The following ITPR1 variants were observed in gnomAD, a reference collection of about 807,000 sequenced individuals.
ITPR1 encodes the protein inositol 1,4,5-trisphosphate receptor type 1, also known as inositol 1,4,5-trisphosphate-gated calcium channel ITPR1.
Under a neutral mutation model 318.4 loss-of-function variants are expected in ITPR1, and 96 were observed. The observed-to-expected ratio is 0.30, with a 90% confidence interval of 0.26 to 0.36. ITPR1 has a LOEUF of 0.36. Ranked by LOEUF, ITPR1 falls within the 10% of genes least tolerant of loss-of-function variation. The pLI is 1.00. For synonymous variants in ITPR1, 1,312 were observed against 1,289.9 expected (o/e 1.02, Z -0.37); for missense variants, 2,440 against 3,460.2 (o/e 0.71, Z 7.40).
At chr3:4,737,898 G>A (rs892127450) in intron 44 of ITPR1, among the ~76,000 whole-genome samples, 8 of 152,278 alleles carry the variant, frequency 5.3e-5, no homozygotes, top group South Asian at 4.1e-4. Context: ...CTCCGTGATC[G>A]TATCCTTTGC....
intron 4 of ITPR1, among the ~76,000 whole-genome samples, chr3:4,582,779 A>G (rs1017182980): frequency 6.6e-6 from 1 of 152,300 alleles, no homozygotes; most frequent in East Asian, 1.9e-4. Flanking sequence ...TAAATGACTC[A>G]AGGGAAGTGA....
intron 35 of ITPR1, among the ~76,000 whole-genome samples, chr3:4,702,008 C>A (rs1467851438): frequency 6.6e-6 from 1 of 152,100 alleles, no homozygotes; most frequent in African/African-American, 2.4e-5. Flanking sequence ...TGCAAGTTGT[C>A]CCCTCTGAAA....
chr3:4,833,113 A>G (rs144558362), intron 60 of ITPR1, among the ~76,000 whole-genome samples: 1 of 152,322 alleles, frequency 6.6e-6, no homozygotes, highest in East Asian at 1.9e-4. Flanking sequence ...GGACACAGAT[A>G]TTGTAAAAGT....
chr3:4,524,697 A>G lies in ITPR1; in HGVS notation c.163+3603A>G, dbSNP rs953356416. ...TGGAAATCCAAGGCCTGTTTATGCA[A>G]TATTCCCCATGGCTTCTGACTTTGC... is the stretch of plus-strand genomic sequence containing the variant. On this transcript the variant is annotated intron_variant, in intron 4 of 61. Coordinates refer to ENST00000649015, the MANE Select transcript of ITPR1 (RefSeq NM_001378452.1). Among the ~76,000 whole-genome samples, 8 of 152,206 alleles carry G rather than the reference A, an allele frequency of 5.3e-5. No homozygotes were observed. The East Asian group carries it at 5.8e-4, about 11-fold the overall frequency.
At chr3:4,582,660 A>G (rs181115177) in intron 4 of ITPR1, among the ~76,000 whole-genome samples, 2 of 152,364 alleles carry the variant, frequency 1.3e-5, no homozygotes, top group African/African-American at 4.8e-5. Context: ...TGACTGGACA[A>G]CGTATTCTTT....
rs79312160 is a variant in ITPR1 at position 4,767,983 on chromosome 3, G to A, written c.5726-528G>A. Among the ~76,000 whole-genome samples, 1,471 of 152,298 alleles carry A rather than the reference G, an allele frequency of 9.7e-3. 11 individuals are homozygous for A. Among genetic ancestry groups the A allele is most frequent in the Middle Eastern group, 0.017 (5 of 294 alleles). ...AGTGGAGCCAGCATTCGAACCCAGCGTGTCTGGCCGCAGAGTCAGTACTGC... is the reference window on the plus strand; with the variant it reads ...AGTGGAGCCAGCATTCGAACCCAGCATGTCTGGCCGCAGAGTCAGTACTGC... On this transcript the variant is annotated intron_variant, in intron 45 of 61. Transcript: ENST00000649015.
chr3:4,567,568 T>G (rs1364798962), intron 4 of ITPR1, among the ~76,000 whole-genome samples: 2 of 151,722 alleles, frequency 1.3e-5, no homozygotes, highest in Non-Finnish European at 2.9e-5. Flanking sequence ...AGGTGGGTCA[T>G]GGAGGGCTTT....
chr3:4,644,521 T>C (rs954790745), intron 8 of ITPR1, among the ~76,000 whole-genome samples: 3 of 152,220 alleles, frequency 2.0e-5, no homozygotes, highest in African/African-American at 4.8e-5. Context: ...TGAACCCTTT[T>C]ACTAATTTTT....
At position 4,745,352 on chromosome 3, in the gene ITPR1, G is replaced by A. The variant is rs2125336020; in HGVS notation, c.5544+9998G>A. Among the ~76,000 whole-genome samples, 2 of 152,210 alleles carry A rather than the reference G, an allele frequency of 1.3e-5. 1 individual carries two copies. The highest frequency in any genetic ancestry group is 1.3e-4 in the Admixed American group (2 of 15,298). ...AACACAGATTCGGGACGCAGACAAA[G>A]CAGGACATTCCTTAGGAAATTGTAT... On this transcript the variant is annotated intron_variant, in intron 44 of 61. Coordinates refer to ENST00000649015, the MANE Select transcript of ITPR1 (RefSeq NM_001378452.1).
In ITPR1 at chr3:4,663,137, C is replaced by T. The variant is rs1031483519; in HGVS notation, c.1485C>T (p.Leu495=). The stretch of plus-strand genomic sequence containing the variant: ...GAACTAATTCTGGTCAAGATGTTCT[C>T]GAAGTTGTCTTCTCCAAGCCCAACA... ...TGGTNSGQDV[L]EVVFSKPNRE... is the part of the protein sequence containing the mutation. The change falls in exon 16 of 62, where the codon CTC becomes CTT. Residue 495 remains leucine, a synonymous_variant. Coordinates refer to ENST00000649015, the MANE Select transcript of ITPR1 (RefSeq NM_001378452.1). 6.2e-6 allele frequency: 10 copies of T among 1,613,504 alleles called. No individual in the cohort carries two copies. Among genetic ancestry groups the T allele is most frequent in the African/African-American group, 4.0e-5 (3 of 74,874 alleles).
At chr3:4,562,272 A>G (rs1559451534) in intron 4 of ITPR1, among the ~76,000 whole-genome samples, 1 of 152,194 alleles carries the variant, frequency 6.6e-6, no homozygotes, top group Non-Finnish European at 1.5e-5. Context: ...GTAATTCTCA[A>G]TTTCTATTTT....
chr3:4,824,411 G>A (rs1426261102), intron 60 of ITPR1, among the ~76,000 whole-genome samples: 1 of 152,220 alleles, frequency 6.6e-6, no homozygotes, highest in African/African-American at 2.4e-5. Context: ...GCGCTGGGAA[G>A]TGCTAGAGCC....
At chr3:4,655,827 G>T (rs1401576249) in intron 12 of ITPR1, among the ~76,000 whole-genome samples, 2 of 152,196 alleles carry the variant, frequency 1.3e-5, no homozygotes, top group Non-Finnish European at 2.9e-5. Flanking sequence ...CAGAGGAGGG[G>T]TGCATGGAGA....
At chr3:4,668,940 C>T (rs765807079) in intron 18 of ITPR1, among the ~76,000 whole-genome samples, 2 of 152,226 alleles carry the variant, frequency 1.3e-5, no homozygotes, top group Non-Finnish European at 2.9e-5. Flanking sequence ...ACCCTCTCCC[C>T]ATTTCTTTCC....
chr3:4,695,961 G>A (rs1393491710), intron 33 of ITPR1, among the ~76,000 whole-genome samples: 3 of 152,200 alleles, frequency 2.0e-5, no homozygotes, highest in Non-Finnish European at 4.4e-5. Flanking sequence ...TCAATTTGAT[G>A]TGATACAGTC....
chr3:4,559,224 G>T (rs947391164), intron 4 of ITPR1, among the ~76,000 whole-genome samples: 8 of 151,742 alleles, frequency 5.3e-5, no homozygotes, highest in African/African-American at 1.5e-4. Flanking sequence ...CCCCTCTTGT[G>T]TATGGGTGTT....
intron 40 of ITPR1, among the ~76,000 whole-genome samples, chr3:4,718,027 C>G (rs532684507): frequency 3.2e-4 from 48 of 152,282 alleles, no homozygotes; most frequent in African/African-American, 1.1e-3. Flanking sequence ...CATCCAGTGG[C>G]TTCTGTACTT....
chr3:4,767,475 A>G (rs2045892886), intron 45 of ITPR1, among the ~76,000 whole-genome samples: 2 of 152,244 alleles, frequency 1.3e-5, no homozygotes, highest in Admixed American at 6.5e-5. Context: ...AATGGCTACC[A>G]TTTACTAAGT....
chr3:4,705,931 C>G (rs2094747599), intron 36 of ITPR1, among the ~76,000 whole-genome samples: 1 of 152,154 alleles, frequency 6.6e-6, no homozygotes, highest in Non-Finnish European at 1.5e-5. Context: ...GCCTTATGAC[C>G]TGAGAGCATT....
Sources: allele counts gnomAD v4.1 joint callset (sites outside exome capture counted in the v4.1 genomes callset), GRCh38; gene constraint gnomAD v4.1.1; transcripts MANE v1.5; gene names NCBI Gene and HGNC (gene_info 2026-07-23, HGNC 2026-07-21).